Variants in GPAT4 observed in about 807,000 individuals in gnomAD.
GPAT4 encodes the protein glycerol-3-phosphate acyltransferase 4, also known as 1-AGP acyltransferase 6.
A neutral mutation model predicts 58.0 loss-of-function variants in GPAT4; 17 were observed. The ratio of observed to expected loss-of-function variants is 0.29; its 90% confidence interval spans 0.20 to 0.44. The LOEUF is 0.44. Among genes scored for constraint, GPAT4 ranks in the 20% least tolerant of loss-of-function variants. GPAT4 has a pLI of 1.00. For synonymous variants in GPAT4, 204 were observed against 210.1 expected (o/e 0.97, Z 0.25); for missense variants, 377 against 574.5 (o/e 0.66, Z 3.51).
intron 1 of GPAT4, among the ~76,000 whole-genome samples, chr8:41,593,485 G>A (rs567423338): frequency 6.6e-6 from 1 of 152,296 alleles, no homozygotes; most frequent in Admixed American, 6.5e-5. Flanking sequence ...AGGAAAATAA[G>A]TCCCACGGTG....
intron 1 of GPAT4, among the ~76,000 whole-genome samples, chr8:41,591,118 A>C (rs1206879938): frequency 6.6e-6 from 1 of 152,186 alleles, no homozygotes; most frequent in South Asian, 2.1e-4. Context: ...GAGGGTTGTG[A>C]TCGATTGGGC....
At chr8:41,594,458 C>G (rs1802868180) in intron 1 of GPAT4, among the ~76,000 whole-genome samples, 1 of 151,870 alleles carries the variant, frequency 6.6e-6, no homozygotes, top group Non-Finnish European at 1.5e-5. Flanking sequence ...ACATTTCTTG[C>G]ATAAATTCCT....
Position 41,598,992 on chromosome 8 carries a change from C to T in GPAT4, c.-148C>T, listed in dbSNP as rs578189498. ...TCTGTTCCCAGGCCTTCTATTCAGG[C>T]GGTTGAAGGGTGTGGACTTTGGAAT... On this transcript the variant is annotated 5_prime_UTR_variant, in exon 2 of 13. Coordinates refer to ENST00000396987, the MANE Select transcript of GPAT4 (RefSeq NM_178819.4). 1.3e-5 allele frequency: 13 copies of T among 1,023,574 alleles called. No individual in the cohort carries two copies. The African/African-American group carries it at 1.5e-4, about 12-fold the overall frequency. The allele number at this position is 1,023,574 out of a possible 1,614,324, so 63.4% of individuals were successfully genotyped here.
rs1047907328 is a variant in GPAT4, at chr8:41,598,918, A to G, written c.-222A>G. 1.4e-5 allele frequency: 8 copies of G among 566,892 alleles called. No individual in the cohort carries two copies. Among genetic ancestry groups the G allele is most frequent in the Non-Finnish European group, 1.8e-5 (6 of 327,302 alleles). The allele number at this position is 566,892 out of a possible 1,614,324, so 35.1% of individuals were successfully genotyped here. A position where few individuals can be genotyped will look rare whatever the true frequency, so the allele number is the denominator to read the frequency against. ...CATCTTTAGAGTCCATCCATTCTGG[A>G]GAGACCTGGCGTTTGCAGTTGCCTC... On this transcript the variant is annotated 5_prime_UTR_variant, in exon 2 of 13. Coordinates refer to ENST00000396987, the MANE Select transcript of GPAT4 (RefSeq NM_178819.4).
At chr8:41,619,184 C>T in intron 12 of GPAT4, 2 of 620,270 alleles carry the variant, frequency 3.2e-6, no homozygotes, top group Non-Finnish European at 5.6e-6. Context: ...TGGACTGAGG[C>T]AGTTGATTCT....
At position 41,619,005 on chromosome 8, in the gene GPAT4, T is replaced by C. The variant is rs1414783401; in HGVS notation, c.1262+28T>C. ...AAGTTTAGAGCCAGGCCTTTTCAGCTGAGTTTCTGCAGCAGATGCTGTGTC... is the reference window on the plus strand; with the variant it reads ...AAGTTTAGAGCCAGGCCTTTTCAGCCGAGTTTCTGCAGCAGATGCTGTGTC... On this transcript the variant is annotated intron_variant, in intron 12 of 12. Transcript: ENST00000396987. 3 of 1,612,884 alleles carry C rather than the reference T, an allele frequency of 1.9e-6. No homozygotes were observed. In the African/African-American group the frequency reaches 4.0e-5, roughly 22 times the overall value.
At chr8:41,608,079 C>CA (rs1262466099) in intron 2 of GPAT4, among the ~76,000 whole-genome samples, 1 of 152,172 alleles carries the variant, frequency 6.6e-6, no homozygotes, top group Non-Finnish European at 1.5e-5. Context: ...CATCAATGGC[C>CA]AAATATCTGA....
At chr8:41,585,107 A>C (rs1469686420) in intron 1 of GPAT4, among the ~76,000 whole-genome samples, 1 of 152,174 alleles carries the variant, frequency 6.6e-6, no homozygotes, top group Non-Finnish European at 1.5e-5. Flanking sequence ...TTCCTATTCA[A>C]GCAAATTTCT....
intron 1 of GPAT4, among the ~76,000 whole-genome samples, chr8:41,583,465 T>G: frequency 6.6e-6 from 1 of 152,194 alleles, no homozygotes; most frequent in East Asian, 1.9e-4. Context: ...TTAAAAAAAT[T>G]GTATAAAGTA....
intron 2 of GPAT4, among the ~76,000 whole-genome samples, chr8:41,607,636 C>G (rs1803318834): frequency 6.6e-6 from 1 of 151,868 alleles, no homozygotes; most frequent in Non-Finnish European, 1.5e-5. Context: ...CGTCCCCTGG[C>G]TCCCATCTCA....
chr8:41,614,338 A>T (rs762829059), intron 8 of GPAT4, 48 bp from the exon 9 acceptor site: 12 of 1,483,012 alleles, frequency 8.1e-6, no homozygotes, highest in Admixed American at 5.7e-5. Context: ...TATTTTGACG[A>T]TGTGTATAAG....
chr8:41,620,527 T>C (rs762673834), intron 12 of GPAT4, among the ~76,000 whole-genome samples: 2 of 152,248 alleles, frequency 1.3e-5, no homozygotes, highest in African/African-American at 4.8e-5. Context: ...TATGAGTCGA[T>C]ATTTCTTAAA....
chr8:41,580,579 G>A (rs953926349), intron 1 of GPAT4, among the ~76,000 whole-genome samples: 3 of 152,132 alleles, frequency 2.0e-5, no homozygotes, highest in African/African-American at 7.2e-5. Flanking sequence ...CCTCTCCAAG[G>A]AATGCTGGGA....
chr8:41,584,336 A>G (rs1802598398), intron 1 of GPAT4, among the ~76,000 whole-genome samples: 2 of 152,194 alleles, frequency 1.3e-5, no homozygotes. Context: ...TACCCAAGAG[A>G]AATGAAGTAT....
intron 2 of GPAT4, among the ~76,000 whole-genome samples, chr8:41,601,756 T>G (rs959294327): frequency 6.6e-6 from 1 of 152,244 alleles, no homozygotes; most frequent in African/African-American, 2.4e-5. Context: ...AAATTAATAC[T>G]TTAAAGTTTA....
intron 1 of GPAT4, among the ~76,000 whole-genome samples, chr8:41,591,187 G>A (rs1423807140): frequency 6.6e-6 from 1 of 152,112 alleles, no homozygotes; most frequent in Non-Finnish European, 1.5e-5. Context: ...GAATAGAACA[G>A]GACAGGGATT....
At chr8:41,605,255 C>A (rs769671975) in intron 2 of GPAT4, among the ~76,000 whole-genome samples, 11 of 152,164 alleles carry the variant, frequency 7.2e-5, no homozygotes, top group Non-Finnish European at 1.5e-4. Context: ...AAGACATATG[C>A]ATCTATAACT....
At chr8:41,588,100 A>T (rs752473863) in intron 1 of GPAT4, among the ~76,000 whole-genome samples, 2 of 152,200 alleles carry the variant, frequency 1.3e-5, no homozygotes, top group Non-Finnish European at 2.9e-5. Context: ...GAAGTTTGGT[A>T]CCTAGGACTG....
intron 2 of GPAT4, among the ~76,000 whole-genome samples, chr8:41,600,053 T>TTTTTTTTTTTTTTTG: frequency 6.8e-6 from 1 of 146,300 alleles, no homozygotes. Context: ...TTTTTTTTTT[T>TTTTTTTTTTTTTTTG]TCGAGACAAG....
Sources: gnomAD v4.1 joint callset for allele counts (sites outside exome capture counted in the v4.1 genomes callset) on GRCh38, gnomAD v4.1.1 for gene constraint, MANE v1.5 for transcripts, NCBI Gene and HGNC (gene_info 2026-07-23, HGNC 2026-07-21) for gene names.